Variants in PIWIL4 observed in about 807,000 individuals in gnomAD.
PIWIL4 encodes the protein piwi-like protein 4.
In PIWIL4, 50 loss-of-function variants were observed where a neutral mutation model predicts 100.9. The observed-to-expected ratio is 0.50, with a 90% CI of 0.39 to 0.63. The LOEUF (loss-of-function observed/expected upper bound fraction) is 0.63. Ranked by LOEUF, PIWIL4 falls within the 20% of genes least tolerant of loss-of-function variation. PIWIL4 has a pLI of 0.00. For synonymous variants in PIWIL4, 342 were observed against 367.5 expected, an observed-to-expected ratio of 0.93 and a Z score of 0.79; for missense variants, 887 against 1,043.3, an observed-to-expected ratio of 0.85 and a Z score of 2.06.
At chr11:94,617,830 G>C in intron 16 of PIWIL4, 124 bp from the exon 17 acceptor site, 5 of 970,080 alleles carry the variant, frequency 5.2e-6, no homozygotes, top group South Asian at 1.5e-5. Context: ...CCCAAATTAT[G>C]TATTGCCCTA....
intron 4 of PIWIL4, among the ~76,000 whole-genome samples, chr11:94,582,124 C>G (rs10831243): frequency 0.5 from 75,512 of 151,536 alleles, 20,438 homozygotes; most frequent in African/African-American, 0.73. Flanking sequence ...AGGTACAAGG[C>G]GGGGCTGAAG....
Position 94,567,580 on chromosome 11 carries a change from TG to T in PIWIL4, c.66del (p.Arg23AlafsTer52). 1.2e-6 allele frequency: 2 copies of T among 1,606,192 alleles called. No homozygotes were observed. The highest frequency in any genetic ancestry group is 1.7e-6 in the Non-Finnish European group (2 of 1,176,620). ...GCCCGCAGCCCCAGTGCCACAGAAGTGGGGCGCATCCAAGCCTCGCCATTGG... is the reference window on the plus strand; with the variant it reads ...GCCCGCAGCCCCAGTGCCACAGAAGTGGGCGCATCCAAGCCTCGCCATTGG... ...GIARSPSATE[V>X]GRIQASPLPR... On this transcript the variant is annotated frameshift_variant, in exon 1 of 20. Coordinates refer to ENST00000299001, the MANE Select transcript of PIWIL4 (RefSeq NM_152431.3). LOFTEE classifies it high-confidence loss of function.
At chr11:94,582,442 G>A (rs1948333467) in intron 4 of PIWIL4, among the ~76,000 whole-genome samples, 4 of 152,138 alleles carry the variant, frequency 2.6e-5, no homozygotes. Context: ...TGCAGTGACT[G>A]GTTCCTGCCT....
intron 16 of PIWIL4, 116 bp from the exon 17 acceptor site, chr11:94,617,838 C>G (rs1472194609): frequency 9.2e-7 from 1 of 1,085,852 alleles, no homozygotes; most frequent in Admixed American, 2.0e-5. Flanking sequence ...ATGTATTGCC[C>G]TATTTTACAG....
chr11:94,584,656 T>C (rs891258166), intron 5 of PIWIL4, among the ~76,000 whole-genome samples: 5 of 152,138 alleles, frequency 3.3e-5, no homozygotes, highest in Admixed American at 6.5e-5. Flanking sequence ...TTGAAACGCG[T>C]TTCCTGACTT....
Position 94,585,426 on chromosome 11 carries a change from C to CA in PIWIL4, c.636-12dup. The CA allele has an allele frequency of 6.3e-7, 1 of 1,586,010 alleles. No individual in the cohort carries two copies. The highest frequency in any genetic ancestry group is 1.1e-5 in the South Asian group (1 of 87,564). On this transcript the variant is annotated intron_variant, in intron 5 of 19. Transcript: ENST00000299001. ...TACTGACTGATATTTACCAAAAATT[C>CA]AAAAAAATATACTTGCAGGATCCTC... is the stretch of plus-strand genomic sequence containing the variant.
intron 5 of PIWIL4, among the ~76,000 whole-genome samples, chr11:94,585,101 G>C (rs568453872): frequency 6.6e-6 from 1 of 152,228 alleles, no homozygotes; most frequent in African/African-American, 2.4e-5. Context: ...TCATCCCCAA[G>C]TAGGGAAGAG....
intron 15 of PIWIL4, among the ~76,000 whole-genome samples, chr11:94,612,921 TGTTA>T (rs1948803028): frequency 6.6e-6 from 1 of 152,198 alleles, no homozygotes; most frequent in African/African-American, 2.4e-5. Flanking sequence ...TTAATTGTAT[TGTTA>T]TTTTCTTATG....
rs897919549 is a variant in PIWIL4 at position 94,607,615 on chromosome 11, C to T, written c.1815C>T (p.Gly605=). The T allele has an allele frequency of 6.8e-6, 11 of 1,613,810 alleles. No individual in the cohort carries two copies. Among genetic ancestry groups the T allele is most frequent in the Admixed American group, 3.3e-5 (2 of 59,970 alleles). ...IAMQMTCKLG[G]ELWAVEIPLK... is the part of the protein sequence containing the mutation. The stretch of plus-strand genomic sequence containing the variant: ...TGCAGATGACTTGCAAGCTCGGAGG[C>T]GAGCTGTGGGCTGTGGAAATACCTG... Residue 605 remains glycine, a synonymous_variant, in exon 14 of 20, where the codon GGC becomes GGT. Coordinates refer to ENST00000299001, the MANE Select transcript of PIWIL4 (RefSeq NM_152431.3).
At chr11:94,600,937 C>G (rs1444410490) in intron 11 of PIWIL4, among the ~76,000 whole-genome samples, 1 of 151,920 alleles carries the variant, frequency 6.6e-6, no homozygotes, top group Non-Finnish European at 1.5e-5. Flanking sequence ...AAGATTATCT[C>G]TCTTTTTCCT....
intron 4 of PIWIL4, among the ~76,000 whole-genome samples, chr11:94,581,619 A>G (rs1188140656): frequency 6.6e-6 from 1 of 152,206 alleles, no homozygotes; most frequent in African/African-American, 2.4e-5. Flanking sequence ...CTCTGATCAC[A>G]TCCTATTGAA....
At position 94,567,569 on chromosome 11, in the gene PIWIL4, T is replaced by C. The variant is rs149735828; in HGVS notation, c.51T>C (p.Ser17=). The C allele has an allele frequency of 3.7e-6, 6 of 1,607,578 alleles. No homozygotes were observed. The highest frequency in any genetic ancestry group is 1.6e-4 in the Middle Eastern group (1 of 6,068). Residue 17 remains serine (S), a synonymous_variant, in exon 1 of 20, where the codon AGT becomes AGC. Coordinates refer to ENST00000299001, the MANE Select transcript of PIWIL4 (RefSeq NM_152431.3). ...VKARGIARSP[S]ATEVGRIQAS... is the part of the protein sequence containing the mutation. ...CCAGAGGCATCGCCCGCAGCCCCAG[T>C]GCCACAGAAGTGGGGCGCATCCAAG...
chr11:94,589,148 T>C lies in PIWIL4; in HGVS notation c.942T>C (p.Asp314=), dbSNP rs999852186. The C allele has an allele frequency of 4.3e-6, 7 of 1,612,314 alleles. No homozygotes were observed. Among genetic ancestry groups the C allele is most frequent in the Non-Finnish European group, 5.9e-6 (7 of 1,178,468 alleles). The change falls in exon 8 of 20, where the codon GAT becomes GAC. Residue 314 remains aspartate (D), a synonymous_variant. Coordinates refer to ENST00000299001, the MANE Select transcript of PIWIL4 (RefSeq NM_152431.3). ...ACAATAACAGAACCTACTCCATTGA[T>C]GACATTGACTGGTCAGTGAAGCCCA... ...TRYNNRTYSI[D]DIDWSVKPTH...
intron 9 of PIWIL4, among the ~76,000 whole-genome samples, chr11:94,595,090 A>G (rs911001288): frequency 5.9e-5 from 9 of 152,268 alleles, no homozygotes; most frequent in Admixed American, 1.3e-4. Flanking sequence ...ATACTGGGCT[A>G]AATAATATAC....
chr11:94,613,010 A>T (rs1258190818), intron 15 of PIWIL4, among the ~76,000 whole-genome samples: 3 of 152,008 alleles, frequency 2.0e-5, no homozygotes, highest in Admixed American at 2.0e-4. Context: ...CAACTATTAC[A>T]GTATTAGAGT....
At chr11:94,603,157 T>C (rs1376770093) in intron 12 of PIWIL4, among the ~76,000 whole-genome samples, 1 of 152,054 alleles carries the variant, frequency 6.6e-6, no homozygotes, top group East Asian at 1.9e-4. Flanking sequence ...AGAGTCAGAG[T>C]GCGAGAGTTT....
chr11:94,589,053 AG>A, intron 7 of PIWIL4, 67 bp from the exon 8 acceptor site: 1 of 1,078,646 alleles, frequency 9.3e-7, no homozygotes, highest in Non-Finnish European at 1.4e-6. Context: ...TTGAATTAAA[AG>A]TGTGGTGAAG....
intron 15 of PIWIL4, among the ~76,000 whole-genome samples, chr11:94,612,157 C>T (rs1948793924): frequency 6.7e-6 from 1 of 149,396 alleles, no homozygotes; most frequent in Non-Finnish European, 1.5e-5. Flanking sequence ...TACTGAAGCT[C>T]CCTACTATTA....
At chr11:94,571,748 G>A (rs141472509) in intron 2 of PIWIL4, among the ~76,000 whole-genome samples, 1,763 of 152,240 alleles carry the variant, frequency 0.012, 30 homozygotes, top group African/African-American at 0.04. Context: ...ATAAACATAC[G>A]TGTGCATGTG....
Sources: gnomAD v4.1 joint callset for allele counts (sites outside exome capture counted in the v4.1 genomes callset) on GRCh38, gnomAD v4.1.1 for gene constraint, MANE v1.5 for transcripts, NCBI Gene and HGNC (gene_info 2026-07-23, HGNC 2026-07-21) for gene names.